The following ADGRL2 variants were observed in gnomAD, a reference collection of about 807,000 sequenced individuals.
The protein encoded by ADGRL2 is calcium-independent alpha-latrotoxin receptor 2.
Under a neutral mutation model 157.4 loss-of-function variants are expected in ADGRL2, and 44 were observed. The ratio of observed to expected loss-of-function variants is 0.28; its 90% CI spans 0.22 to 0.36. The LOEUF is 0.36. Ranked by LOEUF, ADGRL2 falls within the 10% of genes least tolerant of loss-of-function variation. The pLI, the probability that ADGRL2 is intolerant of heterozygous loss-of-function variation, is 1.00. For missense variants in ADGRL2, 1,510 were observed against 1,768.9 expected, an observed-to-expected ratio of 0.85 and a Z score of 2.63; for synonymous variants, 585 against 624.7, an observed-to-expected ratio of 0.94 and a Z score of 0.95.
At chr1:81,878,808 AGTCTT>A (rs2093909431) in intron 2 of ADGRL2, among the ~76,000 whole-genome samples, 1 of 152,210 alleles carries the variant, frequency 6.6e-6, no homozygotes, top group Admixed American at 6.5e-5. Context: ...AATGGTTTAT[AGTCTT>A]GTCTTGAACA....
At chr1:81,954,450 A>G (rs529160531) in intron 10 of ADGRL2, among the ~76,000 whole-genome samples, 101 of 152,280 alleles carry the variant, frequency 6.6e-4, no homozygotes, top group African/African-American at 2.4e-3. Context: ...TAAGACTAAT[A>G]AAACTCTTTA....
At chr1:81,987,656 A>T (rs982389599) in intron 22 of ADGRL2, among the ~76,000 whole-genome samples, 7 of 151,624 alleles carry the variant, frequency 4.6e-5, no homozygotes, top group African/African-American at 1.7e-4. Context: ...ATAAAAGTAT[A>T]TATATATTTA....
intron 3 of ADGRL2, among the ~76,000 whole-genome samples, chr1:81,934,905 G>A (rs2095287811): frequency 6.6e-6 from 1 of 151,770 alleles, no homozygotes; most frequent in Admixed American, 6.6e-5. Context: ...GGAAATGAAA[G>A]GACTTTTGTT....
intron 1 of ADGRL2, among the ~76,000 whole-genome samples, chr1:81,444,105 A>G (rs907313082): frequency 2.0e-5 from 3 of 152,216 alleles, no homozygotes; most frequent in African/African-American, 7.2e-5. Flanking sequence ...GAAAGATTCT[A>G]TTGCCAATGT....
At chr1:81,689,519 A>G (rs1162882179) in intron 3 of ADGRL2, among the ~76,000 whole-genome samples, 1 of 152,196 alleles carries the variant, frequency 6.6e-6, no homozygotes, top group East Asian at 1.9e-4. Flanking sequence ...GGGGCCTCAG[A>G]TTTTTCACAT....
At chr1:81,758,708 A>G (rs2085771908) in intron 1 of ADGRL2, among the ~76,000 whole-genome samples, 1 of 152,210 alleles carries the variant, frequency 6.6e-6, no homozygotes, top group African/African-American at 2.4e-5. Flanking sequence ...TCATATGCTA[A>G]CATTTCATGG....
intron 2 of ADGRL2, among the ~76,000 whole-genome samples, chr1:81,521,241 G>A (rs912230367): frequency 3.3e-5 from 5 of 152,148 alleles, no homozygotes; most frequent in African/African-American, 9.7e-5. Context: ...ATATTCCACT[G>A]TCTCTTGTGG....
chr1:81,954,820 T>TC (rs1253921877), intron 10 of ADGRL2, among the ~76,000 whole-genome samples: 17 of 152,174 alleles, frequency 1.1e-4, no homozygotes, highest in Non-Finnish European at 4.4e-5. Context: ...CAAACAACTT[T>TC]CCCCCCTGTT....
At chr1:81,644,447 G>A (rs2082276620) in intron 3 of ADGRL2, among the ~76,000 whole-genome samples, 3 of 152,114 alleles carry the variant, frequency 2.0e-5, no homozygotes, top group South Asian at 4.1e-4. Flanking sequence ...CACAGACTGG[G>A]AGAAAATATT....
At chr1:81,872,417 G>T (rs2093722291) in intron 2 of ADGRL2, among the ~76,000 whole-genome samples, 1 of 151,864 alleles carries the variant, frequency 6.6e-6, no homozygotes, top group Admixed American at 6.6e-5. Context: ...TGTTTTTATT[G>T]TCTAGTCAAA....
At chr1:81,894,492 C>T (rs1449606399) in intron 2 of ADGRL2, among the ~76,000 whole-genome samples, 2 of 151,932 alleles carry the variant, frequency 1.3e-5, no homozygotes, top group African/African-American at 2.4e-5. Flanking sequence ...TTCCCACAAG[C>T]TCTGTATATC....
At chr1:81,422,185 T>G (rs1190782447) in intron 1 of ADGRL2, among the ~76,000 whole-genome samples, 1 of 41,850 alleles carries the variant, frequency 2.4e-5, no homozygotes, top group Non-Finnish European at 9.3e-5. Context: ...TCTCTCAAAC[T>G]TCTTTTTTTT....
At chr1:81,335,477 C>T (rs908072872) in intron 1 of ADGRL2, among the ~76,000 whole-genome samples, 3 of 152,150 alleles carry the variant, frequency 2.0e-5, no homozygotes, top group Non-Finnish European at 4.4e-5. Context: ...ACAAGCCAAA[C>T]CCTCACCCCC....
chr1:81,676,818 C>T (rs1451261012), intron 3 of ADGRL2, among the ~76,000 whole-genome samples: 1 of 151,824 alleles, frequency 6.6e-6, no homozygotes, highest in Admixed American at 6.6e-5. Flanking sequence ...TCCCAAGTAG[C>T]TGGGACTACA....
chr1:81,985,451 C>T lies in ADGRL2; in HGVS notation c.3508+96C>T. 3 of 634,954 alleles carry T rather than the reference C, an allele frequency of 4.7e-6. No individual in the cohort carries two copies. The East Asian group carries it at 8.8e-5, about 19-fold the overall frequency. The allele number at this position is 634,954 out of a possible 1,614,324, so 39.3% of individuals were successfully genotyped here. On this transcript the variant is annotated intron_variant, in intron 21 of 23. Transcript: ENST00000686636. ...GTAATGTAAGAAATATAATTTTAAACTGCATTAACAGGATGCGGCTCGAAG... is the reference window on the plus strand; with the variant it reads ...GTAATGTAAGAAATATAATTTTAAATTGCATTAACAGGATGCGGCTCGAAG...
At chr1:81,425,665 G>A (rs138715585) in intron 1 of ADGRL2, among the ~76,000 whole-genome samples, 1 of 152,246 alleles carries the variant, frequency 6.6e-6, no homozygotes, top group Non-Finnish European at 1.5e-5. Context: ...TGGGAGAACT[G>A]ACCTTGGTTA....
At chr1:81,799,900 C>T (rs2149450565), upstream of ADGRL2, among the ~76,000 whole-genome samples, 1 of 151,948 alleles carries the variant, frequency 6.6e-6, no homozygotes, top group Non-Finnish European at 1.5e-5. Context: ...AAAAAAAAAT[C>T]CATGTTTGAA....
chr1:81,441,590 T>G (rs2077508143), intron 1 of ADGRL2, among the ~76,000 whole-genome samples: 1 of 152,172 alleles, frequency 6.6e-6, no homozygotes. Flanking sequence ...AATGTTGCAA[T>G]CTTGGCTCAC....
chr1:81,398,527 T>C (rs890677189), intron 1 of ADGRL2, among the ~76,000 whole-genome samples: 7 of 152,206 alleles, frequency 4.6e-5, no homozygotes, highest in African/African-American at 1.7e-4. Context: ...ATCATCTTTT[T>C]CCTCCCATAT....
Sources: gnomAD v4.1 joint callset for allele counts (sites outside exome capture counted in the v4.1 genomes callset) on GRCh38, gnomAD v4.1.1 for gene constraint, MANE v1.5 for transcripts, NCBI Gene and HGNC (gene_info 2026-07-23, HGNC 2026-07-21) for gene names.